FMN1: variants seen among roughly 807,000 people sequenced by gnomAD.
FMN1 encodes formin 1.
A neutral mutation model predicts 132.4 loss-of-function variants in FMN1; 110 were observed. The ratio of observed to expected loss-of-function variants is 0.83; its 90% confidence interval spans 0.71 to 0.97. The LOEUF is 0.97. FMN1 is among the 50% of genes least tolerant of loss of function. The pLI, the probability that FMN1 is intolerant of heterozygous loss-of-function variation, is 0.00. For missense variants in FMN1, 1,792 were observed against 1,705.3 expected, an observed-to-expected ratio of 1.05 and a Z score of -0.90; for synonymous variants, 722 against 651.7, an observed-to-expected ratio of 1.11 and a Z score of -1.64.
chr15:32,777,527 TATAAC>T (rs72012342), intron 19 of FMN1, among the ~76,000 whole-genome samples: 20,040 of 93,234 alleles, frequency 0.21, 3,852 homozygotes, highest in Admixed American at 0.29. Flanking sequence ...ATATATTACG[TATAAC>T]ATAACATTTA....
In FMN1 at chr15:33,038,475, A is replaced by C. The variant is rs1489374838; in HGVS notation, c.2161+26482T>G. On this transcript the variant is annotated intron_variant, in intron 6 of 20. Transcript: ENST00000616417. Reference sequence around the variant, plus strand: ...GTTTTATGCTTGAATATTTTCTATTAATCACCCTGTCATTATTTCTGTGGG... The same window carrying C: ...GTTTTATGCTTGAATATTTTCTATTCATCACCCTGTCATTATTTCTGTGGG... Among the ~76,000 whole-genome samples the C allele has an allele frequency of 5.9e-5, 9 of 152,274 alleles. No individual in the cohort carries two copies. In the South Asian group the frequency reaches 1.5e-3, roughly 25 times the overall value.
intron 16 of FMN1, among the ~76,000 whole-genome samples, chr15:32,868,209 T>C (rs1446425021): frequency 6.6e-6 from 1 of 152,236 alleles, no homozygotes; most frequent in African/African-American, 2.4e-5. Flanking sequence ...TGTAACACTG[T>C]AGAGCAAGGC....
chr15:33,029,064 G>C (rs903990446), intron 6 of FMN1, among the ~76,000 whole-genome samples: 1 of 152,086 alleles, frequency 6.6e-6, no homozygotes, highest in African/African-American at 2.4e-5. Context: ...AAGCTGATTT[G>C]AAGAAATACA....
chr15:32,788,889 T>C (rs1238283819), intron 19 of FMN1, among the ~76,000 whole-genome samples: 1 of 152,212 alleles, frequency 6.6e-6, no homozygotes, highest in Non-Finnish European at 1.5e-5. Context: ...TTTTATTCCA[T>C]TAACTAATCT....
At chr15:33,135,992 A>G (rs937612934) in intron 4 of FMN1, among the ~76,000 whole-genome samples, 1 of 152,244 alleles carries the variant, frequency 6.6e-6, no homozygotes, top group East Asian at 1.9e-4. Context: ...TAGAACAATG[A>G]TGAATATATG....
At chr15:33,050,875 AAAT>A (rs1282532524) in intron 6 of FMN1, among the ~76,000 whole-genome samples, 1 of 152,246 alleles carries the variant, frequency 6.6e-6, no homozygotes, top group Non-Finnish European at 1.5e-5. Context: ...GCAGCCATTA[AAAT>A]AATGAGGAAG....
intron 17 of FMN1, among the ~76,000 whole-genome samples, chr15:32,827,561 G>A (rs2058397928): frequency 6.6e-6 from 1 of 152,084 alleles, no homozygotes; most frequent in East Asian, 1.9e-4. Flanking sequence ...ATGAAGAAAG[G>A]ACATACAGGC....
At chr15:32,893,829 C>T (rs2060089295) in intron 15 of FMN1, among the ~76,000 whole-genome samples, 1 of 152,224 alleles carries the variant, frequency 6.6e-6, no homozygotes, top group Admixed American at 6.5e-5. Context: ...TTTTCAACCA[C>T]AACTATATTC....
chr15:32,905,466 T>C (rs773491170), intron 12 of FMN1, among the ~76,000 whole-genome samples: 1 of 152,160 alleles, frequency 6.6e-6, no homozygotes, highest in Non-Finnish European at 1.5e-5. Context: ...CCATGAGAAG[T>C]GTGTACCAGG....
chr15:33,096,571 C>T (rs1038835322), intron 4 of FMN1, among the ~76,000 whole-genome samples: 3 of 151,940 alleles, frequency 2.0e-5, no homozygotes, highest in African/African-American at 4.8e-5. Context: ...ACTCCAGCAC[C>T]GGATTTATCA....
At chr15:33,103,350 A>T (rs1287794153) in intron 4 of FMN1, among the ~76,000 whole-genome samples, 8 of 152,126 alleles carry the variant, frequency 5.3e-5, no homozygotes, top group Non-Finnish European at 1.0e-4. Flanking sequence ...AGGGGGAAAT[A>T]ATGGTTCTCA....
chr15:32,784,544 A>C (rs1227056883), intron 19 of FMN1, among the ~76,000 whole-genome samples: 1 of 152,062 alleles, frequency 6.6e-6, no homozygotes, highest in African/African-American at 2.4e-5. Context: ...TGATTTAAGA[A>C]GACCAAGGGG....
At chr15:33,037,881 A>C (rs926755753) in intron 6 of FMN1, among the ~76,000 whole-genome samples, 3 of 152,252 alleles carry the variant, frequency 2.0e-5, no homozygotes, top group African/African-American at 7.2e-5. Context: ...TTTTCAGTCT[A>C]AAAAGCTGCA....
At chr15:32,922,585 G>A (rs1273638207) in intron 10 of FMN1, among the ~76,000 whole-genome samples, 2 of 152,176 alleles carry the variant, frequency 1.3e-5, no homozygotes, top group Non-Finnish European at 2.9e-5. Context: ...AAGAAGAAGA[G>A]AAGATTGCTC....
At chr15:33,139,329 G>C (rs2140246535) in intron 4 of FMN1, among the ~76,000 whole-genome samples, 1 of 152,322 alleles carries the variant, frequency 6.6e-6, no homozygotes, top group East Asian at 1.9e-4. Flanking sequence ...GGGCACGGTG[G>C]CGCACGCCTG....
chr15:32,973,280 G>C (rs74012415), intron 7 of FMN1, among the ~76,000 whole-genome samples: 2 of 152,046 alleles, frequency 1.3e-5, no homozygotes, highest in African/African-American at 2.4e-5. Context: ...CCCTTCCCCA[G>C]ATATGCCCTG....
intron 17 of FMN1, among the ~76,000 whole-genome samples, chr15:32,828,796 T>C (rs992149661): frequency 2.0e-5 from 3 of 152,218 alleles, no homozygotes; most frequent in Admixed American, 6.5e-5. Flanking sequence ...ATAGAAAGCA[T>C]ACATTCCGAC....
intron 19 of FMN1, among the ~76,000 whole-genome samples, chr15:32,785,218 A>ATAT (rs1444523400): frequency 1.5e-4 from 6 of 39,202 alleles, no homozygotes; most frequent in South Asian, 1.8e-3. Flanking sequence ...ATATATATAT[A>ATAT]TTTTTTTTTT....
At chr15:33,013,380 C>A (rs946565681) in intron 6 of FMN1, among the ~76,000 whole-genome samples, 7 of 152,064 alleles carry the variant, frequency 4.6e-5, no homozygotes, top group Non-Finnish European at 7.4e-5. Context: ...ATAGTCTGAT[C>A]ATGAAGCTGA....
Sources: allele counts gnomAD v4.1 joint callset (sites outside exome capture counted in the v4.1 genomes callset), GRCh38; gene constraint gnomAD v4.1.1; transcripts MANE v1.5; gene names NCBI Gene and HGNC (gene_info 2026-07-23, HGNC 2026-07-21).